HNF4A: variants seen among roughly 807,000 people sequenced by gnomAD.
The protein encoded by HNF4A is hepatocyte nuclear factor 4 alpha, also known as hepatocyte nuclear factor 4-alpha.
In HNF4A, 15 loss-of-function variants were observed where a neutral mutation model predicts 52.4. That is an observed-to-expected ratio of 0.29 (90% CI 0.19 to 0.44). The LOEUF (loss-of-function observed/expected upper bound fraction) is 0.44. Ranked by LOEUF, HNF4A falls within the 20% of genes least tolerant of loss-of-function variation. HNF4A has a pLI of 1.00. For missense variants in HNF4A, 479 were observed against 647.2 expected (o/e 0.74, Z 2.82); for synonymous variants, 280 against 264.4 (o/e 1.06, Z -0.57).
intron 1 of HNF4A, among the ~76,000 whole-genome samples, chr20:44,383,754 A>C (rs1403639444): frequency 6.6e-6 from 1 of 152,072 alleles, no homozygotes; most frequent in Admixed American, 6.6e-5. Flanking sequence ...GGATATCACC[A>C]TGTTGGCTAG....
At chr20:44,429,190 C>T (rs1372988766) in intron 9 of HNF4A, among the ~76,000 whole-genome samples, 2 of 152,256 alleles carry the variant, frequency 1.3e-5, no homozygotes, top group African/African-American at 4.8e-5. Context: ...CTATCCCTGT[C>T]ACCCATCCCA....
intron 2 of HNF4A, among the ~76,000 whole-genome samples, chr20:44,407,036 C>T (rs1255509379): frequency 1.3e-5 from 2 of 152,198 alleles, no homozygotes; most frequent in Admixed American, 6.5e-5. Flanking sequence ...TAACCAGGAG[C>T]CTGCTATGGG....
At chr20:44,411,884 C>T (rs1377362932) in intron 3 of HNF4A, among the ~76,000 whole-genome samples, 3 of 149,510 alleles carry the variant, frequency 2.0e-5, no homozygotes, top group Non-Finnish European at 3.0e-5. Flanking sequence ...AATGAGACCC[C>T]GTCTCTCAAA....
At chr20:44,361,592 T>C (rs1044759158) in intron 1 of HNF4A, among the ~76,000 whole-genome samples, 3 of 151,674 alleles carry the variant, frequency 2.0e-5, no homozygotes, top group African/African-American at 7.3e-5. Context: ...GGTCAGGAGT[T>C]AGAGACCAGG....
intron 1 of HNF4A, among the ~76,000 whole-genome samples, chr20:44,401,939 T>C (rs1213132850): frequency 2.6e-5 from 4 of 152,184 alleles, no homozygotes; most frequent in Non-Finnish European, 4.4e-5. Context: ...ACCGCATTTC[T>C]CGGTGTCTTT....
upstream of HNF4A, among the ~76,000 whole-genome samples, chr20:44,397,494 G>C (rs1053027563): frequency 2.0e-5 from 3 of 152,044 alleles, no homozygotes; most frequent in Admixed American, 6.6e-5. Flanking sequence ...TTCTCTTCTG[G>C]CTATTTTGAA....
chr20:44,433,097 G>A (rs1335576494), downstream of HNF4A: 2 of 152,162 alleles, frequency 1.3e-5, no homozygotes, highest in Non-Finnish European at 2.9e-5. Flanking sequence ...CTCTTGGAAG[G>A]CAGAGGTGGA....
chr20:44,363,305 G>A lies in HNF4A; in HGVS notation c.49+7452G>A, dbSNP rs183707774. On this transcript the variant is annotated intron_variant, in intron 1 of 9. Coordinates refer to the HNF4A transcript ENST00000316673. The stretch of plus-strand genomic sequence containing the variant: ...TAGAAAGTGCTATGTGAATTTGAAC[G>A]ATTATTATTATTATACCTATAGTGT... Among the ~76,000 whole-genome samples, 6 of 152,174 alleles carry A rather than the reference G, an allele frequency of 3.9e-5. No homozygotes were observed. In the East Asian group the frequency reaches 1.2e-3, roughly 29 times the overall value.
At position 44,429,725 on chromosome 20, in the gene HNF4A, G is replaced by T. The variant is rs1351073971; in HGVS notation, c.*60G>T. 37 of 1,548,400 alleles carry T rather than the reference G, an allele frequency of 2.4e-5. No homozygotes were observed. Among genetic ancestry groups the T allele is most frequent in the Non-Finnish European group, 3.0e-5 (34 of 1,121,870 alleles). ...CCCCAGCCCCCTAAGAGAGCACCTG[G>T]TGATCACGTGGTCACGGCAAAGGAA... On this transcript the variant is annotated 3_prime_UTR_variant, in exon 10 of 10. Transcript: ENST00000316099.
chr20:44,402,328 C>T (rs908020736), intron 1 of HNF4A, among the ~76,000 whole-genome samples: 1 of 152,034 alleles, frequency 6.6e-6, no homozygotes, highest in East Asian at 1.9e-4. Flanking sequence ...TTTGTGCATG[C>T]GGACCTGTTG....
intron 3 of HNF4A, 34 bp from the exon 4 acceptor site, chr20:44,413,660 T>A: frequency 1.4e-6 from 2 of 1,450,322 alleles, no homozygotes; most frequent in Non-Finnish European, 1.9e-6. Context: ...TCCATCCCTG[T>A]TCTCCCTCCT....
At chr20:44,369,249 CAAAAAAAAAAAAAA>C (rs751374772) in intron 1 of HNF4A, among the ~76,000 whole-genome samples, 2 of 24,822 alleles carry the variant, frequency 8.1e-5, no homozygotes, top group East Asian at 2.0e-3. Flanking sequence ...AACTCCATCT[CAAAAAAAAAAAAAA>C]AAAAAAAAAA....
intron 1 of HNF4A, among the ~76,000 whole-genome samples, chr20:44,370,932 C>T (rs2063027020): frequency 6.6e-6 from 1 of 152,296 alleles, no homozygotes; most frequent in South Asian, 2.1e-4. Context: ...CTGGGACAAG[C>T]AGTGGAGGCA....
intron 5 of HNF4A, among the ~76,000 whole-genome samples, chr20:44,416,127 C>T (rs1400218251): frequency 1.3e-5 from 2 of 152,146 alleles, no homozygotes; most frequent in African/African-American, 2.4e-5. Flanking sequence ...CACACCACCC[C>T]GACCTCCCGG....
chr20:44,362,063 A>G (rs1277009122), intron 1 of HNF4A, among the ~76,000 whole-genome samples: 8 of 152,262 alleles, frequency 5.3e-5, no homozygotes, highest in Admixed American at 3.9e-4. Flanking sequence ...CTTTACTGAA[A>G]GTATCTTGAG....
intron 1 of HNF4A, among the ~76,000 whole-genome samples, chr20:44,370,081 C>A (rs1233385651): frequency 6.6e-6 from 1 of 152,132 alleles, no homozygotes; most frequent in Non-Finnish European, 1.5e-5. Context: ...GGCTGGAGTG[C>A]GGTGGCGCGA....
chr20:44,355,852 CGGTAAGTG>C lies in HNF4A; in HGVS notation c.49+2_49+9del. On this transcript the variant is annotated splice_donor_variant and splice_donor_5th_base_variant and coding_sequence_variant and intron_variant, in exon 1 of 10. Coordinates refer to the HNF4A transcript ENST00000316673. LOFTEE classifies it high-confidence loss of function. The stretch of plus-strand genomic sequence containing the variant: ...TCGGGGCTCCAGTGGAGAGTTCTTA[CGGTAAGTG>C]GGGCTGGGGGAAGACTGGACAGGGC... 1 of 1,610,988 alleles carries C rather than the reference CGGTAAGTG, an allele frequency of 6.2e-7. No homozygotes were observed. The highest frequency in any genetic ancestry group is 8.5e-7 in the Non-Finnish European group (1 of 1,177,678).
At chr20:44,425,971 T>C (rs887905848) in intron 8 of HNF4A, among the ~76,000 whole-genome samples, 2 of 152,166 alleles carry the variant, frequency 1.3e-5, no homozygotes, top group African/African-American at 4.8e-5. Flanking sequence ...CATTGTGGAC[T>C]TTCATTAAGC....
upstream of HNF4A, among the ~76,000 whole-genome samples, chr20:44,397,882 C>T (rs1456564713): frequency 6.6e-6 from 1 of 152,184 alleles, no homozygotes; most frequent in African/African-American, 2.4e-5. Context: ...CTGCCTCGGC[C>T]TCCCAAGATG....
Sources: allele counts gnomAD v4.1 joint callset (sites outside exome capture counted in the v4.1 genomes callset), GRCh38; gene constraint gnomAD v4.1.1; transcripts MANE v1.5; gene names NCBI Gene and HGNC (gene_info 2026-07-23, HGNC 2026-07-21).